The following SHROOM3 variants were observed in gnomAD, a reference collection of about 807,000 sequenced individuals.
The protein encoded by SHROOM3 is shroom family member 3, also known as protein Shroom3.
In SHROOM3, 47 loss-of-function variants were observed where a neutral mutation model predicts 138.6. The ratio of observed to expected loss-of-function variants is 0.34; its 90% CI spans 0.27 to 0.43. The LOEUF is 0.43. Ranked by LOEUF, SHROOM3 falls within the 20% of genes least tolerant of loss-of-function variation. The pLI is 1.00. For missense variants in SHROOM3, 2,491 were observed against 2,596.5 expected (o/e 0.96, Z 0.88); for synonymous variants, 1,062 against 1,063.3 (o/e 1.00, Z 0.02).
rs192984388 is a variant in SHROOM3, at chr4:76,669,387, G to A, written c.324-40769G>A. On this transcript the variant is annotated intron_variant, in intron 2 of 10. Transcript: ENST00000296043. Reference sequence around the variant, plus strand: ...TGTAATCCTAGCAGTTTGGGAGGCCGAGGCAGGCAGATCACTTGAGGTCAG... The same window carrying A: ...TGTAATCCTAGCAGTTTGGGAGGCCAAGGCAGGCAGATCACTTGAGGTCAG... 1.9e-4 allele frequency among the ~76,000 whole-genome samples: 29 copies of A among 152,198 alleles called. No homozygotes were observed. In the East Asian group the frequency reaches 5.0e-3, roughly 26 times the overall value.
chr4:76,773,957 T>G (rs1176139548), intron 10 of SHROOM3, among the ~76,000 whole-genome samples: 1 of 152,166 alleles, frequency 6.6e-6, no homozygotes, highest in East Asian at 1.9e-4. Flanking sequence ...ACTTTGTGAC[T>G]TACTCAGCCT....
At chr4:76,723,587 C>G (rs920257798) in intron 3 of SHROOM3, among the ~76,000 whole-genome samples, 1 of 152,092 alleles carries the variant, frequency 6.6e-6, no homozygotes, top group African/African-American at 2.4e-5. Flanking sequence ...TGCTTACTTG[C>G]TTACTCCCTG....
At chr4:76,662,119 G>T (rs982209485) in intron 2 of SHROOM3, among the ~76,000 whole-genome samples, 2 of 152,106 alleles carry the variant, frequency 1.3e-5, no homozygotes, top group African/African-American at 4.8e-5. Context: ...TGGCATCATT[G>T]GGTTCTCTAC....
In SHROOM3 at chr4:76,676,807, A is replaced by G. The variant is rs1343105153; in HGVS notation, c.324-33349A>G. Among the ~76,000 whole-genome samples the G allele has an allele frequency of 2.0e-5, 3 of 151,974 alleles. No homozygotes were observed. The East Asian group carries it at 5.8e-4, about 29-fold the overall frequency. Reference sequence around the variant, plus strand: ...AAATACAAAAAATTAGCCGGACATGATGGCCGGCGCCTGTAGTCCCAGCTA... The same window carrying G: ...AAATACAAAAAATTAGCCGGACATGGTGGCCGGCGCCTGTAGTCCCAGCTA... On this transcript the variant is annotated intron_variant, in intron 2 of 10. Coordinates refer to ENST00000296043, the MANE Select transcript of SHROOM3 (RefSeq NM_020859.4).
At chr4:76,558,912 C>T (rs924033235) in intron 2 of SHROOM3, among the ~76,000 whole-genome samples, 3 of 152,158 alleles carry the variant, frequency 2.0e-5, no homozygotes, top group Admixed American at 6.5e-5. Flanking sequence ...GGCTGCCAGG[C>T]GGCCAGAGAT....
intron 1 of SHROOM3, among the ~76,000 whole-genome samples, chr4:76,469,085 C>CCAG (rs949137524): frequency 2.0e-5 from 3 of 151,588 alleles, no homozygotes; most frequent in African/African-American, 7.3e-5. Context: ...ACTTGTAATT[C>CCAG]CAGCTACTCG....
rs1023135533 is a variant in SHROOM3, at chr4:76,608,566, A to G, written c.323+52803A>G. 1.0e-4 allele frequency among the ~76,000 whole-genome samples: 15 copies of G among 148,648 alleles called. 1 individual carries two copies. The East Asian group carries it at 1.4e-3, about 14-fold the overall frequency. ...ATAGCATAGCATAGCATAGCATAGC[A>G]TAGCATAGCATAGCATAGCATAGCA... On this transcript the variant is annotated intron_variant, in intron 2 of 10. Coordinates refer to ENST00000296043, the MANE Select transcript of SHROOM3 (RefSeq NM_020859.4).
intron 2 of SHROOM3, among the ~76,000 whole-genome samples, chr4:76,571,506 A>G (rs1467024880): frequency 6.6e-6 from 1 of 152,240 alleles, no homozygotes; most frequent in Non-Finnish European, 1.5e-5. Context: ...TGTCTCACTC[A>G]TTTGACATTA....
intron 2 of SHROOM3, among the ~76,000 whole-genome samples, chr4:76,705,921 A>C (rs896796585): frequency 2.0e-5 from 3 of 152,164 alleles, no homozygotes. Flanking sequence ...TGAACAACAC[A>C]GGGGGATTGG....
chr4:76,561,470 A>G (rs907959751), intron 2 of SHROOM3, among the ~76,000 whole-genome samples: 3 of 152,220 alleles, frequency 2.0e-5, no homozygotes, highest in East Asian at 1.9e-4. Context: ...AGGTCTTAAG[A>G]CTTTCAGCCC....
At chr4:76,743,392 G>C (rs1721325329) in intron 5 of SHROOM3, among the ~76,000 whole-genome samples, 1 of 152,172 alleles carries the variant, frequency 6.6e-6, no homozygotes, top group African/African-American at 2.4e-5. Flanking sequence ...AGGCCTTTCT[G>C]CCTCCAAAAA....
intron 3 of SHROOM3, among the ~76,000 whole-genome samples, chr4:76,728,432 A>T (rs773313664): frequency 1.1e-4 from 16 of 152,148 alleles, no homozygotes; most frequent in Non-Finnish European, 1.9e-4. Flanking sequence ...TCCATGTAAG[A>T]TGTGACTTGC....
chr4:76,727,343 G>C (rs943270246), intron 3 of SHROOM3, among the ~76,000 whole-genome samples: 1 of 152,176 alleles, frequency 6.6e-6, no homozygotes, highest in African/African-American at 2.4e-5. Flanking sequence ...CTTACTAGCT[G>C]TGTGATTTGG....
At chr4:76,598,927 C>T (rs1306863605) in intron 2 of SHROOM3, among the ~76,000 whole-genome samples, 1 of 152,060 alleles carries the variant, frequency 6.6e-6, no homozygotes, top group Non-Finnish European at 1.5e-5. Flanking sequence ...GGAAAAGAAA[C>T]TAGTGAGAAA....
chr4:76,466,490 G>C (rs945820441), intron 1 of SHROOM3, among the ~76,000 whole-genome samples: 4 of 152,204 alleles, frequency 2.6e-5, no homozygotes, highest in Admixed American at 1.3e-4. Context: ...CTGCCTTGTA[G>C]ATAGACTTCC....
chr4:76,710,025 G>A, intron 2 of SHROOM3, 131 bp from the exon 3 acceptor site: 1 of 1,183,152 alleles, frequency 8.5e-7, no homozygotes, highest in South Asian at 1.3e-5. Flanking sequence ...TTAGAACCCT[G>A]CACTTAGCTG....
At chr4:76,757,732 C>A (rs564461599) in intron 8 of SHROOM3, among the ~76,000 whole-genome samples, 56 of 152,314 alleles carry the variant, frequency 3.7e-4, no homozygotes, top group Non-Finnish European at 6.2e-4. Flanking sequence ...TAACACGTGT[C>A]CCAGTGTGCA....
intron 1 of SHROOM3, among the ~76,000 whole-genome samples, chr4:76,493,788 G>A (rs1731905977): frequency 6.6e-6 from 1 of 152,178 alleles, no homozygotes; most frequent in Admixed American, 6.5e-5. Flanking sequence ...AGACCAGCCT[G>A]GCCAACATGG....
chr4:76,740,240 CG>C lies in SHROOM3; in HGVS notation c.2072del (p.Gly691AlafsTer151). ...GCCGGGGAACCCAGGAGGGTTACCCCGGGGGCAGGCCCACCTGTGCAGTCAA... is the reference window on the plus strand; with the variant it reads ...GCCGGGGAACCCAGGAGGGTTACCCCGGGGCAGGCCCACCTGTGCAGTCAA... The part of the protein sequence containing the change: ...LGRGTQEGYP[G>X]GRPTCAVNTK... On this transcript the variant is annotated frameshift_variant, in exon 5 of 11. Transcript: ENST00000296043. LOFTEE classifies it high-confidence loss of function. This position sits in a 1 kb window ranked among gnomAD's most constrained non-coding sequence, Gnocchi z 4.0. The C allele has an allele frequency of 6.2e-7, 1 of 1,613,236 alleles. No homozygotes were observed. The highest frequency in any genetic ancestry group is 1.7e-5 in the Admixed American group (1 of 60,032).
Sources: allele counts gnomAD v4.1 joint callset (sites outside exome capture counted in the v4.1 genomes callset), GRCh38; gene constraint gnomAD v4.1.1; non-coding constraint Gnocchi (gnomAD v3.1); transcripts MANE v1.5; gene names NCBI Gene and HGNC (gene_info 2026-07-23, HGNC 2026-07-21).